Variants in PTPRD observed in about 807,000 individuals in gnomAD.
PTPRD encodes receptor-type tyrosine-protein phosphatase delta.
Under a neutral mutation model 214.5 loss-of-function variants are expected in PTPRD, and 34 were observed. The observed-to-expected ratio is 0.16, with a 90% CI of 0.12 to 0.21. The LOEUF is 0.21. Among genes scored for constraint, PTPRD ranks in the 10% least tolerant of loss-of-function variants. The pLI is 1.00. For missense variants in PTPRD, 2,545 were observed against 2,398.7 expected (o/e 1.06, Z -1.27); for synonymous variants, 1,128 against 845.7 (o/e 1.33, Z -5.79).
intron 7 of PTPRD, among the ~76,000 whole-genome samples, chr9:9,584,170 T>C (rs1344511480): frequency 6.6e-6 from 1 of 151,888 alleles, no homozygotes; most frequent in East Asian, 1.9e-4. Flanking sequence ...TATGTAAAGC[T>C]TCCTAAGCCA....
intron 12 of PTPRD, among the ~76,000 whole-genome samples, chr9:8,638,314 A>T (rs954577205): frequency 2.0e-5 from 3 of 152,042 alleles, no homozygotes; most frequent in Non-Finnish European, 2.9e-5. Flanking sequence ...TATTGATTTC[A>T]TGTTTCCCAC....
chr9:9,658,792 T>C (rs980700189), intron 7 of PTPRD, among the ~76,000 whole-genome samples: 2 of 152,196 alleles, frequency 1.3e-5, no homozygotes, highest in African/African-American at 4.8e-5. Flanking sequence ...TGTTAGGTAC[T>C]GTGCTTTATA....
At chr9:9,547,490 T>G (rs944387123) in intron 8 of PTPRD, among the ~76,000 whole-genome samples, 5 of 152,068 alleles carry the variant, frequency 3.3e-5, no homozygotes, top group African/African-American at 9.7e-5. Flanking sequence ...AATGCTCACT[T>G]GTAAAACATC....
At chr9:8,448,815 G>A (rs2095834559) in intron 34 of PTPRD, among the ~76,000 whole-genome samples, 1 of 152,152 alleles carries the variant, frequency 6.6e-6, no homozygotes, top group African/African-American at 2.4e-5. Flanking sequence ...ATCATACTGT[G>A]AATCAGAACA....
chr9:8,523,466 T>G (rs1166046957), intron 19 of PTPRD, 47 bp downstream of exon 19: 5 of 1,597,114 alleles, frequency 3.1e-6, no homozygotes, highest in Non-Finnish European at 4.3e-6. Context: ...GTTATTGGTT[T>G]AATTAATAGT....
chr9:8,395,481 C>T (rs1444126854), intron 36 of PTPRD, among the ~76,000 whole-genome samples: 7 of 152,252 alleles, frequency 4.6e-5, no homozygotes, highest in Middle Eastern at 3.4e-3. Context: ...ATGACAGCCA[C>T]ACGTGGCTGC....
At chr9:9,569,439 T>A (rs370826505) in intron 8 of PTPRD, among the ~76,000 whole-genome samples, 1 of 151,792 alleles carries the variant, frequency 6.6e-6, no homozygotes, top group Non-Finnish European at 1.5e-5. Context: ...AGCTGACATA[T>A]TAGAAGCTGA....
chr9:8,428,673 TTGTG>T (rs896436624), intron 35 of PTPRD, among the ~76,000 whole-genome samples: 1 of 151,690 alleles, frequency 6.6e-6, no homozygotes, highest in Non-Finnish European at 1.5e-5. Context: ...CCAAAAAAAA[TTGTG>T]TGTGTGTGTA....
chr9:9,367,944 T>A (rs771333285), intron 9 of PTPRD, among the ~76,000 whole-genome samples: 2 of 151,700 alleles, frequency 1.3e-5, no homozygotes, highest in African/African-American at 2.4e-5. Context: ...GAGTGCCCAA[T>A]AGGTCATATG....
At chr9:9,330,230 T>C (rs534276366) in intron 9 of PTPRD, among the ~76,000 whole-genome samples, 1 of 152,250 alleles carries the variant, frequency 6.6e-6, no homozygotes, top group Non-Finnish European at 1.5e-5. Flanking sequence ...AGAACAGTTT[T>C]CCTGTTGTCT....
intron 11 of PTPRD, among the ~76,000 whole-genome samples, chr9:8,819,420 TG>T (rs1214878783): frequency 2.0e-5 from 3 of 152,174 alleles, no homozygotes; most frequent in Admixed American, 2.0e-4. Flanking sequence ...CCCAGCACTT[TG>T]GGAGGCTGAA....
intron 5 of PTPRD, among the ~76,000 whole-genome samples, chr9:9,823,892 C>T (rs964815934): frequency 5.3e-5 from 8 of 151,800 alleles, no homozygotes; most frequent in African/African-American, 1.7e-4. Context: ...CACAAAGAAA[C>T]AATAAATGTT....
intron 7 of PTPRD, among the ~76,000 whole-genome samples, chr9:9,592,523 A>T (rs2092836404): frequency 6.6e-6 from 1 of 151,980 alleles, no homozygotes; most frequent in South Asian, 2.1e-4. Context: ...TAAAAACAGG[A>T]AATTATTTAA....
chr9:9,276,129 C>T lies in PTPRD; in HGVS notation c.-202-92766G>A, dbSNP rs111878709. 3.3e-4 allele frequency among the ~76,000 whole-genome samples: 50 copies of T among 151,294 alleles called. 1 individual carries two copies. The South Asian group carries it at 6.4e-3, about 19-fold the overall frequency. On this transcript the variant is annotated intron_variant, in intron 9 of 45. Coordinates refer to ENST00000381196, the MANE Select transcript of PTPRD (RefSeq NM_002839.4). ...ACATTTCAAGCCTTAAGTAAAGTCC[C>T]GTCAGTGGCACATTTTGGCCTGTTT...
intron 35 of PTPRD, among the ~76,000 whole-genome samples, chr9:8,414,375 A>G (rs971190591): frequency 9.2e-5 from 14 of 152,220 alleles, no homozygotes; most frequent in Non-Finnish European, 5.9e-5. Context: ...TGGAAGTAAC[A>G]CATAATGGCT....
chr9:9,426,908 G>A (rs1253398809), intron 8 of PTPRD, among the ~76,000 whole-genome samples: 7 of 152,096 alleles, frequency 4.6e-5, no homozygotes, highest in African/African-American at 1.7e-4. Context: ...CCATCTGTAC[G>A]TCACCATCAT....
chr9:10,253,740 A>T (rs1328938785), intron 3 of PTPRD, among the ~76,000 whole-genome samples: 2 of 152,198 alleles, frequency 1.3e-5, no homozygotes, highest in African/African-American at 2.4e-5. Flanking sequence ...CATTGATGAA[A>T]AAAATGATTT....
At chr9:9,450,130 G>C (rs564848987) in intron 8 of PTPRD, among the ~76,000 whole-genome samples, 3 of 151,378 alleles carry the variant, frequency 2.0e-5, no homozygotes, top group Non-Finnish European at 4.4e-5. Context: ...CTGTGTGTGT[G>C]TGTGTGTGTG....
chr9:10,043,488 C>A (rs975495912), intron 3 of PTPRD, among the ~76,000 whole-genome samples: 3 of 151,794 alleles, frequency 2.0e-5, no homozygotes, highest in African/African-American at 7.2e-5. Context: ...AGATCTTTGC[C>A]TTCTCTCAAT....
Sources: gnomAD v4.1 joint callset for allele counts (sites outside exome capture counted in the v4.1 genomes callset) on GRCh38, gnomAD v4.1.1 for gene constraint, MANE v1.5 for transcripts, NCBI Gene and HGNC (gene_info 2026-07-23, HGNC 2026-07-21) for gene names.